The following ATM variants were observed in gnomAD, a reference collection of about 807,000 sequenced individuals.
ATM encodes ATM serine/threonine kinase, also known as serine-protein kinase ATM.
ATM carries 308 observed loss-of-function variants against 387.0 expected under a neutral mutation model. The observed-to-expected ratio is 0.80, with a 90% CI of 0.73 to 0.87. ATM has a LOEUF of 0.87. Among genes scored for constraint, ATM ranks in the 40% least tolerant of loss-of-function variants. The pLI is 0.00. For missense variants in ATM, 3,312 were observed against 3,560.9 expected (o/e 0.93, Z 1.78); for synonymous variants, 1,156 against 1,187.3 (o/e 0.97, Z 0.54).
At position 108,334,006 on chromosome 11, in the gene ATM, AT is replaced by A. The variant is rs752819265; in HGVS notation, c.8010+46del. On this transcript the variant is annotated intron_variant, in intron 54 of 62. Transcript: ENST00000675843. Reference sequence around the variant, plus strand: ...TAACTCTTGATTTTTTTTAAACTAAATTTTTTTTATTAGATTGAACCATTTG... The same window carrying A: ...TAACTCTTGATTTTTTTTAAACTAAATTTTTTTATTAGATTGAACCATTTG... 4.4e-5 allele frequency: 65 copies of A among 1,487,402 alleles called. No homozygotes were observed. The highest frequency in any genetic ancestry group is 1.0e-4 in the Admixed American group (6 of 59,606). 92.1% of individuals were successfully genotyped at this position (1,487,402 alleles called of 1,614,324 possible).
At position 108,289,074 on chromosome 11, in the gene ATM, A is replaced by T. The variant is rs768726324; in HGVS notation, c.4207A>T (p.Ser1403Cys). The T allele has an allele frequency of 1.9e-6, 3 of 1,611,498 alleles. No individual in the cohort carries two copies. The South Asian group carries it at 3.3e-5, about 18-fold the overall frequency. The stretch of plus-strand genomic sequence containing the variant: ...CAATTGTCATAAAACCAAGTTAAAA[A>T]GCATTTTAGAAATTCTTTCCAAAAG... ...ISNCHKTKLK[S>C]ILEILSKSPD... is the part of the protein sequence containing the mutation. The change falls in exon 28 of 63, where the codon AGC becomes TGC. Residue 1403 changes from serine (S) to cysteine (C), a missense_variant. Ser to Cys is a moderately radical substitution (Grantham distance 112). Transcript: ENST00000675843.
chr11:108,277,133 G>T (rs1337100917), intron 22 of ATM, among the ~76,000 whole-genome samples: 1 of 152,154 alleles, frequency 6.6e-6, no homozygotes, highest in Non-Finnish European at 1.5e-5. Flanking sequence ...GCTCCACCCA[G>T]TTCGAACTTC....
intron 37 of ATM, 113 bp from the exon 38 acceptor site, chr11:108,307,784 G>C: frequency 1.1e-6 from 1 of 915,980 alleles, no homozygotes; most frequent in Non-Finnish European, 1.7e-6. Flanking sequence ...TTTGTGTTAG[G>C]TACTGCCCAC....
intron 37 of ATM, among the ~76,000 whole-genome samples, chr11:108,307,316 A>G (rs1413051274): frequency 6.6e-6 from 1 of 151,752 alleles, no homozygotes; most frequent in African/African-American, 2.4e-5. Flanking sequence ...TGCCCTGCTA[A>G]TTTTTGTGTT....
At chr11:108,256,157 T>G (rs1432834936) in intron 13 of ATM, 58 bp from the exon 14 acceptor site, 1 of 1,405,706 alleles carries the variant, frequency 7.1e-7, no homozygotes, top group Non-Finnish European at 9.5e-7. Flanking sequence ...TTACAAAAGA[T>G]AGAGTATACT....
chr11:108,250,568 AT>A, intron 9 of ATM, 132 bp from the exon 10 acceptor site: 1 of 1,035,842 alleles, frequency 9.7e-7, no homozygotes, highest in Non-Finnish European at 1.4e-6. Context: ...CAGCCAGTTT[AT>A]TTTTAGAGTA....
chr11:108,317,767 A>T (rs1338682320), intron 43 of ATM, among the ~76,000 whole-genome samples: 2 of 150,838 alleles, frequency 1.3e-5, no homozygotes, highest in Non-Finnish European at 3.0e-5. Flanking sequence ...AGATAGCCCT[A>T]AATCCTTCAG....
At chr11:108,307,232 C>T (rs2083763358) in intron 37 of ATM, among the ~76,000 whole-genome samples, 1 of 151,922 alleles carries the variant, frequency 6.6e-6, no homozygotes, top group Non-Finnish European at 1.5e-5. Context: ...TCACTGCAAC[C>T]TCTGCCCCTC....
intron 5 of ATM, among the ~76,000 whole-genome samples, chr11:108,242,689 AGCC>A (rs1428134617): frequency 2.6e-5 from 4 of 152,114 alleles, no homozygotes; most frequent in East Asian, 3.9e-4. Context: ...ATTTACTTGT[AGCC>A]TATTGATTAT....
chr11:108,251,737 TCA>T (rs968260264), intron 10 of ATM, 98 bp from the exon 11 acceptor site: 24 of 1,141,240 alleles, frequency 2.1e-5, no homozygotes, highest in Non-Finnish European at 3.2e-5. Context: ...GTTCATTTAG[TCA>T]CCTTAACTAA....
In ATM at chr11:108,325,925, G is replaced by A. The variant is rs554143784; in HGVS notation, c.6808-133G>A. 1.1e-5 allele frequency: 12 copies of A among 1,085,776 alleles called. No homozygotes were observed. In the South Asian group the frequency reaches 1.7e-4, roughly 15 times the overall value. The allele number at this position is 1,085,776 out of a possible 1,614,324, so 67.3% of individuals were successfully genotyped here. ...TGGGGAGATGTCATGCAGACAGAGA[G>A]GTCCTTAAGATAGTCCCTGACAAGT... On this transcript the variant is annotated intron_variant, in intron 46 of 62. Transcript: ENST00000675843.
Position 108,365,074 on chromosome 11 carries a change from C to T in ATM, c.8851-8C>T, listed in dbSNP as rs768937303. 3 of 1,613,782 alleles carry T rather than the reference C, an allele frequency of 1.9e-6. No homozygotes were observed. Among genetic ancestry groups the T allele is most frequent in the South Asian group, 1.1e-5 (1 of 91,066 alleles). ...TGTTCTTTTAATACATATGTTCTCT[C>T]TGTTTAGGTCCTTCTATATGATCCA... On this transcript the variant is annotated splice_polypyrimidine_tract_variant and splice_region_variant and intron_variant, in intron 61 of 62. Coordinates refer to ENST00000675843, the MANE Select transcript of ATM (RefSeq NM_000051.4).
rs2137953343 is a variant in ATM, at chr11:108,365,971, G to A, written c.*463G>A. ...TTGAACCTGGGAGGTGAAGGTTGCT[G>A]TGGGCCAAAATCATGCCATTGCACT... On this transcript the variant is annotated 3_prime_UTR_variant, in exon 63 of 63. Transcript: ENST00000675843. The A allele has an allele frequency of 5.9e-6, 1 of 170,936 alleles. No homozygotes were observed. The highest frequency in any genetic ancestry group is 1.1e-4 in the East Asian group (1 of 9,108). The allele number at this position is 170,936 out of a possible 1,614,324, so 10.6% of individuals were successfully genotyped here. A position where few individuals can be genotyped will look rare whatever the true frequency, so the allele number is the denominator to read the frequency against.
chr11:108,281,511 C>T (rs1291637264), intron 24 of ATM, among the ~76,000 whole-genome samples: 2 of 152,172 alleles, frequency 1.3e-5, no homozygotes, highest in Non-Finnish European at 2.9e-5. Flanking sequence ...CCGGTAGATT[C>T]TGGGGCAGCA....
intron 58 of ATM, among the ~76,000 whole-genome samples, chr11:108,346,919 G>A (rs2088492357): frequency 6.6e-6 from 1 of 152,102 alleles, no homozygotes; most frequent in South Asian, 2.1e-4. Flanking sequence ...CATTTTATAA[G>A]TATGTTCAAT....
At chr11:108,258,525 G>A (rs1266170553) in intron 15 of ATM, among the ~76,000 whole-genome samples, 1 of 152,180 alleles carries the variant, frequency 6.6e-6, no homozygotes, top group Non-Finnish European at 1.5e-5. Context: ...TAGAAAGAGT[G>A]CTACTGTGTT....
chr11:108,257,194 T>C (rs2080548274), intron 14 of ATM, among the ~76,000 whole-genome samples: 1 of 152,228 alleles, frequency 6.6e-6, no homozygotes, highest in African/African-American at 2.4e-5. Context: ...TTCCTGACTT[T>C]TTAATGATAG....
rs1266938537 is a variant in ATM at position 108,319,961 on chromosome 11, G to T, written c.6355G>T (p.Val2119Leu). The T allele has an allele frequency of 6.2e-7, 1 of 1,608,704 alleles. No individual in the cohort carries two copies. ...WDHCTSVSKE[V>L]EGTSYHESLY... ...CTTTGACTTATCTCACAGCAAAGAAGTAGAAGGAACCAGTTACCATGAATC... is the reference window on the plus strand; with the variant it reads ...CTTTGACTTATCTCACAGCAAAGAATTAGAAGGAACCAGTTACCATGAATC... Residue 2119 changes from valine to leucine, a missense_variant, in exon 44 of 63, where the codon GTA becomes TTA. Coordinates refer to ENST00000675843, the MANE Select transcript of ATM (RefSeq NM_000051.4).
In ATM at chr11:108,325,298, C is replaced by G. The variant is rs1057521666; in HGVS notation, c.6573-12C>G. On this transcript the variant is annotated splice_polypyrimidine_tract_variant and intron_variant, in intron 45 of 62. Coordinates refer to ENST00000675843, the MANE Select transcript of ATM (RefSeq NM_000051.4). ...TCTCTTGCTTACATGAACTCTATGT[C>G]GTGGCATTCAGATCAGTCACACATA... is the stretch of plus-strand genomic sequence containing the variant. 9.4e-7 allele frequency: 1 copy of G among 1,060,960 alleles called. No homozygotes were observed. 65.7% of individuals were successfully genotyped at this position (1,060,960 alleles called of 1,614,324 possible).
Sources: gnomAD v4.1 joint callset for allele counts (sites outside exome capture counted in the v4.1 genomes callset) on GRCh38, gnomAD v4.1.1 for gene constraint, MANE v1.5 for transcripts, NCBI Gene and HGNC (gene_info 2026-07-23, HGNC 2026-07-21) for gene names.